EFHD1: variants seen among roughly 807,000 people sequenced by gnomAD.
EFHD1 encodes EF-hand domain family member D1, also known as EF-hand domain-containing protein D1.
Under a neutral mutation model 17.2 loss-of-function variants are expected in EFHD1, and 10 were observed. The ratio of observed to expected loss-of-function variants is 0.58; its 90% CI spans 0.36 to 0.99. The LOEUF (loss-of-function observed/expected upper bound fraction) is 0.99, where lower values mean the gene tolerates loss of function less well. Among genes scored for constraint, EFHD1 ranks in the 50% least tolerant of loss-of-function variants. The pLI is 0.01. For synonymous variants in EFHD1, 153 were observed against 142.0 expected (o/e 1.08, Z -0.55); for missense variants, 310 against 327.5 (o/e 0.95, Z 0.41).
At chr2:232,609,805 A>G (rs1389783213) in intron 1 of EFHD1, among the ~76,000 whole-genome samples, 2 of 152,208 alleles carry the variant, frequency 1.3e-5, no homozygotes, top group East Asian at 1.9e-4. Flanking sequence ...TTTGGCACAC[A>G]ACACAAAAAC....
chr2:232,664,491 G>A (rs917066178), intron 2 of EFHD1, among the ~76,000 whole-genome samples: 1 of 151,702 alleles, frequency 6.6e-6, no homozygotes, highest in African/African-American at 2.4e-5. Context: ...TAGAAACAGG[G>A]ACTCACTTTG....
chr2:232,630,048 C>T (rs1339464734), upstream of EFHD1, among the ~76,000 whole-genome samples: 2 of 152,226 alleles, frequency 1.3e-5, no homozygotes, highest in South Asian at 2.1e-4. Flanking sequence ...CTCCCAGGTT[C>T]AAGCGATTCT....
intron 1 of EFHD1, among the ~76,000 whole-genome samples, chr2:232,650,659 C>T (rs994052879): frequency 1.1e-4 from 17 of 149,306 alleles, no homozygotes; most frequent in African/African-American, 4.2e-4. Flanking sequence ...ACCTCTGCCT[C>T]CCGGGTTCAA....
intron 1 of EFHD1, chr2:232,650,053 A>C (rs1694612689): frequency 6.6e-6 from 1 of 152,328 alleles, no homozygotes; most frequent in South Asian, 2.1e-4. Flanking sequence ...GGTCAGAAGC[A>C]GCAGGTCAAA....
chr2:232,635,480 C>T (rs1309772467), intron 1 of EFHD1, among the ~76,000 whole-genome samples: 2 of 152,144 alleles, frequency 1.3e-5, no homozygotes, highest in African/African-American at 4.8e-5. Flanking sequence ...TCTTGGGAGA[C>T]GAAGCAAGGT....
chr2:232,660,522 G>A (rs1694845221), intron 1 of EFHD1, among the ~76,000 whole-genome samples: 1 of 151,572 alleles, frequency 6.6e-6, no homozygotes, highest in Non-Finnish European at 1.5e-5. Context: ...TAAGAGATGG[G>A]GTCTCACTAC....
At chr2:232,642,490 G>A (rs891559227) in intron 1 of EFHD1, among the ~76,000 whole-genome samples, 3 of 151,472 alleles carry the variant, frequency 2.0e-5, no homozygotes, top group Admixed American at 6.6e-5. Flanking sequence ...TGGAACTCTC[G>A]CCAATAGTGT....
chr2:232,634,574 G>C (rs1388374403), intron 1 of EFHD1, among the ~76,000 whole-genome samples: 1 of 152,180 alleles, frequency 6.6e-6, no homozygotes, highest in Non-Finnish European at 1.5e-5. Context: ...TCCTGGGGGC[G>C]CGGGGAGGGG....
chr2:232,610,105 G>A (rs1693784721), intron 1 of EFHD1, among the ~76,000 whole-genome samples: 1 of 152,232 alleles, frequency 6.6e-6, no homozygotes. Flanking sequence ...GGTAGTCCTT[G>A]TGGGTTCTCC....
rs1694102028 is a variant in EFHD1, at chr2:232,626,238, T to C, written c.14+20065T>C. Among the ~76,000 whole-genome samples, 11 of 151,552 alleles carry C rather than the reference T, an allele frequency of 7.3e-5. No homozygotes were observed. In the Admixed American group the frequency reaches 7.3e-4, roughly 10 times the overall value. On this transcript the variant is annotated intron_variant, in intron 1 of 3. Transcript: ENST00000409613. ...ATATATCCTTGATGAAGCAGGAAAA[T>C]AGTTTTTAATTTTATTAAATTTTGA...
chr2:232,661,084 G>A lies in EFHD1; in HGVS notation c.303-1718G>A, dbSNP rs117654102. ...AAACGCTTGAACCTGAGAGGCGGAG[G>A]TTGCAGTGAGCAGAGATCGTGCAGC... is the stretch of plus-strand genomic sequence containing the variant. On this transcript the variant is annotated intron_variant, in intron 1 of 3. Coordinates refer to ENST00000264059, the MANE Select transcript of EFHD1 (RefSeq NM_025202.4). Among the ~76,000 whole-genome samples the A allele has an allele frequency of 2.0e-3, 302 of 152,048 alleles. 3 individuals carry two copies. In the East Asian group the frequency reaches 0.03, roughly 15 times the overall value.
chr2:232,622,277 G>A (rs1694030569), intron 1 of EFHD1, among the ~76,000 whole-genome samples: 1 of 152,140 alleles, frequency 6.6e-6, no homozygotes, highest in Non-Finnish European at 1.5e-5. Context: ...AGACCAGCCT[G>A]GCCAACATGG....
At chr2:232,617,146 A>G (rs1376835848) in intron 1 of EFHD1, among the ~76,000 whole-genome samples, 2 of 152,218 alleles carry the variant, frequency 1.3e-5, no homozygotes, top group Non-Finnish European at 2.9e-5. Context: ...GCAGCCTCCA[A>G]GCAATCAGAT....
intron 1 of EFHD1, among the ~76,000 whole-genome samples, chr2:232,625,272 G>GA (rs879486315): frequency 1.5e-4 from 23 of 151,746 alleles, no homozygotes; most frequent in Admixed American, 1.2e-3. Flanking sequence ...GGGACTACAG[G>GA]AACGCACCAC....
intron 3 of EFHD1, among the ~76,000 whole-genome samples, chr2:232,673,483 C>A (rs1350483970): frequency 6.6e-6 from 1 of 152,128 alleles, no homozygotes; most frequent in Non-Finnish European, 1.5e-5. Flanking sequence ...TCATCCACCC[C>A]CTGCAAATGC....
intron 2 of EFHD1, among the ~76,000 whole-genome samples, chr2:232,667,537 A>G: frequency 6.6e-6 from 1 of 151,146 alleles, no homozygotes; most frequent in East Asian, 1.9e-4. Context: ...TAATTAATTA[A>G]TTAATTTATT....
intron 1 of EFHD1, among the ~76,000 whole-genome samples, chr2:232,661,343 C>A (rs1405541954): frequency 6.6e-6 from 1 of 152,068 alleles, no homozygotes; most frequent in Non-Finnish European, 1.5e-5. Context: ...GGCAACCAAT[C>A]ATCCACTTTC....
intron 3 of EFHD1, among the ~76,000 whole-genome samples, chr2:232,674,539 T>C (rs1695136996): frequency 6.6e-6 from 1 of 152,230 alleles, no homozygotes; most frequent in South Asian, 2.1e-4. Flanking sequence ...GTGTGCATTA[T>C]TTTTATAACT....
At chr2:232,637,895 C>T (rs1456897503) in intron 1 of EFHD1, among the ~76,000 whole-genome samples, 1 of 152,162 alleles carries the variant, frequency 6.6e-6, no homozygotes, top group Admixed American at 6.5e-5. Flanking sequence ...TCCTTCCCAG[C>T]CTCTGAGTTT....
Sources: gnomAD v4.1 joint callset for allele counts (sites outside exome capture counted in the v4.1 genomes callset) on GRCh38, gnomAD v4.1.1 for gene constraint, MANE v1.5 for transcripts, NCBI Gene and HGNC (gene_info 2026-07-23, HGNC 2026-07-21) for gene names.